CEP162: variants seen among roughly 807,000 people sequenced by gnomAD.
CEP162 encodes the protein centrosomal protein of 162 kDa.
In CEP162, 141 loss-of-function variants were observed where a neutral mutation model predicts 169.2. The observed-to-expected ratio is 0.83, with a 90% CI of 0.73 to 0.96. CEP162 has a LOEUF of 0.96. Among genes scored for constraint, CEP162 ranks in the 40% least tolerant of loss-of-function variants. CEP162 has a pLI of 0.00. For missense variants in CEP162, 1,600 were observed against 1,587.2 expected (o/e 1.01, Z -0.14); for synonymous variants, 540 against 526.4 (o/e 1.03, Z -0.35).
At position 84,194,947 on chromosome 6, in the gene CEP162, A is replaced by C; in HGVS notation, c.964T>G (p.Ser322Ala). ...TTTTCTTGAGGATGACCTTTCACTG[A>C]GCTCTTGATATCTTCCACTGTGTTA... ...ESNTVEDIKS[S>A]VKGHPQENEE... is the part of the protein sequence containing the mutation. Residue 322 changes from serine (S) to alanine (A), a missense_variant, in exon 10 of 27, where the codon TCA becomes GCA. Transcript: ENST00000403245. 2 of 1,613,486 alleles carry C rather than the reference A, an allele frequency of 1.2e-6. No individual in the cohort carries two copies. Among genetic ancestry groups the C allele is most frequent in the Non-Finnish European group, 1.7e-6 (2 of 1,179,716 alleles).
chr6:84,160,393 T>A (rs925894281), intron 21 of CEP162, among the ~76,000 whole-genome samples: 6 of 152,246 alleles, frequency 3.9e-5, no homozygotes, highest in African/African-American at 1.2e-4. Flanking sequence ...GGAAGCTGAA[T>A]GTTTTGTTTA....
intron 25 of CEP162, among the ~76,000 whole-genome samples, chr6:84,134,935 C>T (rs1015526636): frequency 2.7e-5 from 4 of 149,884 alleles, no homozygotes; most frequent in South Asian, 2.1e-4. Context: ...CACACACACA[C>T]ACACACACAC....
At position 84,180,103 on chromosome 6, in the gene CEP162, C is replaced by G. The variant is rs530543492; in HGVS notation, c.1664-4756G>C. Among the ~76,000 whole-genome samples the G allele has an allele frequency of 1.1e-3, 164 of 152,264 alleles. 2 individuals carry two copies. Among genetic ancestry groups the G allele is most frequent in the South Asian group, 1.9e-3 (9 of 4,826 alleles). On this transcript the variant is annotated intron_variant, in intron 13 of 26. Transcript: ENST00000403245. ...TGATGCAAAAATCCTCAATGAAATA[C>G]TGGCAAACCGAATCCAGCAGCACAT...
At position 84,171,706 on chromosome 6, in the gene CEP162, A is replaced by T; in HGVS notation, c.2179T>A (p.Leu727Ile). ...LQGYQQENER[L>I]YNQVKDLQEQ... ...TGGAGATCTTTTACTTGATTATATAATCGTTCATTTTCCTTTTTAAAAACA... is the reference window on the plus strand; with the variant it reads ...TGGAGATCTTTTACTTGATTATATATTCGTTCATTTTCCTTTTTAAAAACA... Residue 727 changes from leucine (L) to isoleucine (I), a missense_variant, in exon 17 of 27, where the codon TTA (leucine) becomes ATA (isoleucine). Transcript: ENST00000403245. 6.8e-7 allele frequency: 1 copy of T among 1,465,522 alleles called. No individual in the cohort carries two copies. Among genetic ancestry groups the T allele is most frequent in the African/African-American group, 1.4e-5 (1 of 70,022 alleles). The allele number at this position is 1,465,522 out of a possible 1,614,324, so 90.8% of individuals were successfully genotyped here.
At chr6:84,202,325 T>C (rs2099544852) in intron 7 of CEP162, among the ~76,000 whole-genome samples, 1 of 152,070 alleles carries the variant, frequency 6.6e-6, no homozygotes, top group Non-Finnish European at 1.5e-5. Flanking sequence ...TACCTCCTAC[T>C]TGGGTAGGCA....
Position 84,161,867 on chromosome 6 carries a change from TTATG to T in CEP162, c.2551_2554del (p.His851AsnfsTer45). On this transcript the variant is annotated frameshift_variant, in exon 20 of 27. Coordinates refer to ENST00000403245, the MANE Select transcript of CEP162 (RefSeq NM_014895.4). LOFTEE classifies it high-confidence loss of function. ...TTTTTGCAGACGACTGATTTCTTGT[TTATG>T]TGTTTCTTCTAAAATTTTTATTTCA... 6.4e-7 allele frequency: 1 copy of T among 1,572,038 alleles called. No homozygotes were observed. Among genetic ancestry groups the T allele is most frequent in the Non-Finnish European group, 8.7e-7 (1 of 1,153,072 alleles).
intron 18 of CEP162, among the ~76,000 whole-genome samples, chr6:84,166,178 T>C (rs986319977): frequency 5.3e-5 from 8 of 152,180 alleles, no homozygotes; most frequent in African/African-American, 1.9e-4. Context: ...TGACAAGTAC[T>C]TTCCCTCTCT....
intron 2 of CEP162, among the ~76,000 whole-genome samples, chr6:84,222,378 T>C (rs772887592): frequency 2.6e-5 from 4 of 152,228 alleles, no homozygotes; most frequent in Non-Finnish European, 5.9e-5. Flanking sequence ...CTCCCCTCCA[T>C]CTATTTTAAT....
At chr6:84,213,379 C>T (rs1588886068) in intron 5 of CEP162, among the ~76,000 whole-genome samples, 1 of 152,042 alleles carries the variant, frequency 6.6e-6, no homozygotes, top group Non-Finnish European at 1.5e-5. Context: ...CTATGAGAAC[C>T]AGTGAAGTCC....
At chr6:84,184,203 A>G (rs571520826) in intron 13 of CEP162, among the ~76,000 whole-genome samples, 52 of 152,158 alleles carry the variant, frequency 3.4e-4, no homozygotes, top group Non-Finnish European at 6.5e-4. Context: ...GTACATTGTC[A>G]ATTATTTTTC....
At chr6:84,136,953 TAGGAAG>T (rs2099514383) in intron 25 of CEP162, among the ~76,000 whole-genome samples, 1 of 152,220 alleles carries the variant, frequency 6.6e-6, no homozygotes, top group Admixed American at 6.5e-5. Context: ...AAATACTTCA[TAGGAAG>T]ACAGTTTTGG....
intron 11 of CEP162, among the ~76,000 whole-genome samples, chr6:84,189,981 A>G (rs1232480053): frequency 6.6e-6 from 1 of 150,502 alleles, no homozygotes; most frequent in Admixed American, 6.6e-5. Flanking sequence ...GAGAGTCTTT[A>G]TATCTAGCCC....
chr6:84,188,019 C>T (rs2127715987), intron 11 of CEP162, among the ~76,000 whole-genome samples: 1 of 149,334 alleles, frequency 6.7e-6, no homozygotes, highest in South Asian at 2.1e-4. Context: ...AGCAAGATTT[C>T]AAGAGACTTC....
In CEP162 at chr6:84,174,053, G is replaced by C. The variant is rs2099531262; in HGVS notation, c.2161C>G (p.Gln721Glu). 2.5e-6 allele frequency: 4 copies of C among 1,610,262 alleles called. No individual in the cohort carries two copies. The highest frequency in any genetic ancestry group is 4.5e-5 in the East Asian group (2 of 44,844). Residue 721 changes from glutamine to glutamate, a missense_variant, in exon 16 of 27, where the codon CAA becomes GAA. Transcript: ENST00000403245. ...ATGTTGAAGAATTGCCATACCTGTT[G>C]ATATCCTTGAAGAAGTGTCTCTTGT... ...QEQETLLQGY[Q>E]QENERLYNQV...
Position 84,226,318 on chromosome 6 carries a change from T to C in CEP162, c.57+19A>G, listed in dbSNP as rs1163171803. Reference sequence around the variant, plus strand: ...TTGAGACAAATTTGACAATATAGCTTTTAAAAATATAAACTTACCTCTTTC... The same window carrying C: ...TTGAGACAAATTTGACAATATAGCTCTTAAAAATATAAACTTACCTCTTTC... On this transcript the variant is annotated intron_variant, in intron 2 of 26. Transcript: ENST00000403245. 2.0e-6 allele frequency: 3 copies of C among 1,496,414 alleles called. No individual in the cohort carries two copies. Among genetic ancestry groups the C allele is most frequent in the South Asian group, 1.2e-5 (1 of 83,026 alleles). The allele number at this position is 1,496,414 out of a possible 1,614,324, so 92.7% of individuals were successfully genotyped here.
rs181126918 is a variant in CEP162, at chr6:84,215,456, A to T, written c.329T>A (p.Val110Asp). 1 of 1,583,890 alleles carries T rather than the reference A, an allele frequency of 6.3e-7. No individual in the cohort carries two copies. Among genetic ancestry groups the T allele is most frequent in the African/African-American group, 1.4e-5 (1 of 73,916 alleles). Residue 110 changes from valine (V) to aspartate (D), a missense_variant, in exon 5 of 27, where the codon GTT (valine) becomes GAT (aspartate). Coordinates refer to ENST00000403245, the MANE Select transcript of CEP162 (RefSeq NM_014895.4). The part of the protein sequence containing the change: ...TDSLETNELV[V>D]SELNHSSLGV... ...GAGACTACTATGGTTGAGCTCAGAA[A>T]CTACTAGTTCTAAATGGAAAGCACA...
At position 84,160,835 on chromosome 6, in the gene CEP162, T is replaced by G. The variant is rs1256899430; in HGVS notation, c.2758A>C (p.Lys920Gln). ...RLKDKAADAK[K>Q]IQDLERQVKE... ...ACTTGTCGCTCCAGATCCTGAATTT[T>G]TTTGGCATCTGCTGCTTTATCTTTT... Residue 920 changes from lysine (K) to glutamine (Q), a missense_variant, in exon 21 of 27, where the codon AAA (lysine) becomes CAA (glutamine). Lys to Gln is a moderately conservative substitution (Grantham distance 53, BLOSUM62 1). Coordinates refer to ENST00000403245, the MANE Select transcript of CEP162 (RefSeq NM_014895.4). The G allele has an allele frequency of 3.7e-6, 6 of 1,611,130 alleles. No homozygotes were observed. In the Admixed American group the frequency reaches 6.7e-5, roughly 18 times the overall value.
In CEP162 at chr6:84,149,617, A is replaced by AG; in HGVS notation, c.3715_3716insC (p.Val1239AlafsTer10). The AG allele has an allele frequency of 6.2e-7, 1 of 1,605,870 alleles. No homozygotes were observed. Among genetic ancestry groups the AG allele is most frequent in the Non-Finnish European group, 8.5e-7 (1 of 1,175,662 alleles). ...AGCTACTTTGGAAGAAGAATTTTCT[A>AG]CTGCATTTTGGCAAAGGAGTTTCTC... On this transcript the variant is annotated frameshift_variant, in exon 24 of 27. Transcript: ENST00000403245. LOFTEE classifies it high-confidence loss of function.
At chr6:84,209,192 A>G (rs1378837511) in intron 6 of CEP162, among the ~76,000 whole-genome samples, 1 of 152,192 alleles carries the variant, frequency 6.6e-6, no homozygotes, top group Non-Finnish European at 1.5e-5. Context: ...GCAGGCCACA[A>G]ACTCCCTTTG....
Sources: allele counts gnomAD v4.1 joint callset (sites outside exome capture counted in the v4.1 genomes callset), GRCh38; gene constraint gnomAD v4.1.1; transcripts MANE v1.5; gene names NCBI Gene and HGNC (gene_info 2026-07-23, HGNC 2026-07-21).